The following SLC9A6 variants were observed in gnomAD, a reference collection of about 807,000 sequenced individuals.
SLC9A6 encodes sodium/hydrogen exchanger 6.
Under a neutral mutation model 45.3 loss-of-function variants are expected in SLC9A6, and 6 were observed. The ratio of observed to expected loss-of-function variants is 0.13; its 90% CI spans 0.07 to 0.26. SLC9A6 has a LOEUF of 0.26. SLC9A6 is among the 10% of genes least tolerant of loss of function. The probability of loss-of-function intolerance (pLI) is 1.00; values close to 1 mark genes in which losing one functional copy is unlikely to be tolerated. For missense variants in SLC9A6, 278 were observed against 503.7 expected, an observed-to-expected ratio of 0.55 and a Z score of 4.29; for synonymous variants, 191 against 187.7, an observed-to-expected ratio of 1.02 and a Z score of -0.14.
chrX:135,991,371 C>G (rs1322889143), intron 2 of SLC9A6, among the ~76,000 whole-genome samples: 1 of 109,620 alleles, frequency 9.1e-6, no homozygotes, highest in Non-Finnish European at 1.9e-5. Context: ...AACTTTCCTG[C>G]CTCAGCCTCC....
At position 136,040,140 on chromosome X, in the gene SLC9A6, G is replaced by A; in HGVS notation, c.1726G>A (p.Gly576Arg). The A allele has an allele frequency of 8.3e-7, 1 of 1,210,950 alleles. No homozygotes were observed. The highest frequency in any genetic ancestry group is 1.1e-6 in the Non-Finnish European group (1 of 894,993). ...GACAACAACACTCCCTGCCTGCTGT[G>A]GACCCATCGCCAGGTGCCTCACCAG... ...PLTTTLPACC[G>R]PIARCLTSPQ... Residue 576 changes from glycine to arginine, a missense_variant, in exon 17 of 18, where the codon GGA becomes AGA. By Grantham distance (125) the Gly-to-Arg change is moderately radical. This residue lies in a region of SLC9A6 where 91 missense variants were observed against 125.1 expected (regional missense o/e 0.73). Coordinates refer to ENST00000630721, the MANE Select transcript of SLC9A6 (RefSeq NM_001379110.1).
Position 136,046,117 on chromosome X carries a change from A to G in SLC9A6, c.*1393A>G, listed in dbSNP as rs782657146. ...CCTGTTCATGATTCAGAAGAAAAAC[A>G]AACTTTTTTGGATTTTTTTTCCCTC... is the stretch of plus-strand genomic sequence containing the variant. On this transcript the variant is annotated 3_prime_UTR_variant, in exon 18 of 18. Coordinates refer to ENST00000630721, the MANE Select transcript of SLC9A6 (RefSeq NM_001379110.1). The G allele has an allele frequency of 8.9e-6, 1 of 112,526 alleles. No homozygotes were observed. Among genetic ancestry groups the G allele is most frequent in the Admixed American group, 9.4e-5 (1 of 10,610 alleles). The allele number at this position is 112,526 out of a possible 1,213,427, so 9.3% of individuals were successfully genotyped here.
chrX:136,009,537 G>A (rs782217622), intron 7 of SLC9A6, among the ~76,000 whole-genome samples: 1 of 111,814 alleles, frequency 8.9e-6, no homozygotes, highest in Non-Finnish European at 1.9e-5. Flanking sequence ...TTTCTTTGAC[G>A]TGATTTGTAT....
Position 136,044,723 on chromosome X carries a change from A to G in SLC9A6, c.2039A>G (p.Ter680=), listed in dbSNP as rs142823492. The G allele has an allele frequency of 8.3e-7, 1 of 1,208,003 alleles. No individual in the cohort carries two copies. The highest frequency in any genetic ancestry group is 1.1e-6 in the Non-Finnish European group (1 of 893,387). The change falls in exon 18 of 18, where the codon TAA becomes TGA. Residue 680 remains the stop codon, a stop_retained_variant. Coordinates refer to ENST00000630721, the MANE Select transcript of SLC9A6 (RefSeq NM_001379110.1). ...LLDNTRHGPA[*] is the part of the protein sequence containing the mutation. ...GATAATACGAGACATGGTCCAGCCT[A>G]AGCTTACTAATACTCACTTAGTGAT...
At chrX:136,024,575 G>A in intron 13 of SLC9A6, 92 bp downstream of exon 13, 3 of 886,303 alleles carry the variant, frequency 3.4e-6, no homozygotes, top group South Asian at 4.4e-5. Context: ...TGGAGAATCT[G>A]TAATGTTTTA....
intron 1 of SLC9A6, among the ~76,000 whole-genome samples, chrX:135,975,707 T>C (rs2089257546): frequency 8.9e-6 from 1 of 112,346 alleles, no homozygotes; most frequent in South Asian, 3.7e-4. Context: ...ATCTTTTGAA[T>C]TGGGCTCAAA....
chrX:136,046,750 C>T lies in SLC9A6; in HGVS notation c.*2026C>T, dbSNP rs1328032636. Reference sequence around the variant, plus strand: ...ACATCAGCATCTGGAAGACTTTCCTCTCCTCTAATCTGTGTACACATCTCC... The same window carrying T: ...ACATCAGCATCTGGAAGACTTTCCTTTCCTCTAATCTGTGTACACATCTCC... On this transcript the variant is annotated 3_prime_UTR_variant, in exon 18 of 18. Coordinates refer to ENST00000630721, the MANE Select transcript of SLC9A6 (RefSeq NM_001379110.1). The T allele has an allele frequency of 8.9e-6, 1 of 112,128 alleles. No homozygotes were observed. The highest frequency in any genetic ancestry group is 3.3e-5 in the African/African-American group (1 of 30,719). The allele number at this position is 112,128 out of a possible 1,213,427, so 9.2% of individuals were successfully genotyped here.
intron 3 of SLC9A6, among the ~76,000 whole-genome samples, chrX:135,996,501 C>T (rs1257440099): frequency 9.0e-6 from 1 of 111,680 alleles, no homozygotes; most frequent in Non-Finnish European, 1.9e-5. Flanking sequence ...GTTCATGTCA[C>T]ATTCTACTGC....
chrX:135,996,073 C>G (rs1221758485), intron 3 of SLC9A6, among the ~76,000 whole-genome samples: 1 of 97,706 alleles, frequency 1.0e-5, no homozygotes, highest in African/African-American at 3.8e-5. Context: ...ACTCTGTCAC[C>G]CAGGCTGGAG....
intron 5 of SLC9A6, 122 bp downstream of exon 5, chrX:135,998,680 G>T (rs186555477): frequency 3.1e-6 from 2 of 647,230 alleles, no homozygotes; most frequent in East Asian, 7.0e-5. Flanking sequence ...CAATATTCAC[G>T]TAGGTAATAA....
intron 11 of SLC9A6, among the ~76,000 whole-genome samples, chrX:136,020,346 T>A (rs781966066): frequency 6.3e-5 from 7 of 110,563 alleles, no homozygotes; most frequent in African/African-American, 2.4e-4. Context: ...AGTCATTTTT[T>A]AATTATTATT....
intron 15 of SLC9A6, among the ~76,000 whole-genome samples, chrX:136,031,635 G>A (rs1569525571): frequency 8.9e-6 from 1 of 111,757 alleles, no homozygotes; most frequent in Non-Finnish European, 1.9e-5. Flanking sequence ...CTCCAGCCTG[G>A]GCAACAGAGC....
chrX:135,991,331 C>T (rs2089426138), intron 2 of SLC9A6, among the ~76,000 whole-genome samples: 1 of 108,207 alleles, frequency 9.2e-6, no homozygotes, highest in African/African-American at 3.4e-5. Context: ...GATCTCAACT[C>T]ACTGCAACCT....
Position 136,044,557 on chromosome X carries a change from A to G in SLC9A6, c.1873A>G (p.Ser625Gly), listed in dbSNP as rs558960349. The change falls in exon 18 of 18, where the codon AGC (serine) becomes GGC (glycine). Residue 625 changes from serine (S) to glycine (G), a missense_variant. Physicochemically the swap from Ser to Gly is moderately conservative, Grantham distance 56. Transcript: ENST00000630721. ...STVNTEPATS[S>G]APRRFMGNSS... ...TGTGAACACTGAACCGGCCACATCC[A>G]GCGCCCCAAGGAGATTTATGGGAAA... The G allele has an allele frequency of 3.3e-6, 4 of 1,209,642 alleles. No homozygotes were observed. In the Admixed American group the frequency reaches 8.7e-5, roughly 26 times the overall value.
chrX:135,981,901 A>G (rs1488625926), upstream of SLC9A6, among the ~76,000 whole-genome samples: 1 of 111,681 alleles, frequency 9.0e-6, no homozygotes, highest in Non-Finnish European at 1.9e-5. Context: ...ATATATGTAA[A>G]CTTTGCAATC....
intron 2 of SLC9A6, among the ~76,000 whole-genome samples, chrX:135,993,374 G>A (rs57311208): frequency 0.074 from 8,252 of 111,573 alleles, 320 homozygotes; most frequent in African/African-American, 0.16. Flanking sequence ...GGTGATTGAT[G>A]TTCAACTTTG....
At chrX:136,024,295 G>T in intron 12 of SLC9A6, 35 bp from the exon 13 acceptor site, 1 of 1,203,817 alleles carries the variant, frequency 8.3e-7, no homozygotes, top group South Asian at 1.8e-5. Context: ...TTGGTAATGA[G>T]TTATTGAAGA....
chrX:135,974,059 T>C (rs1157323109), upstream of SLC9A6: 4 of 212,033 alleles, frequency 1.9e-5, no homozygotes, highest in East Asian at 5.1e-4. Context: ...GGGGCCTGCG[T>C]AGAGAACGTG....
chrX:136,012,909 T>C (rs1556618825), intron 8 of SLC9A6, 40 bp from the exon 9 acceptor site: 1 of 995,992 alleles, frequency 1.0e-6, no homozygotes. Context: ...AGTCACACTT[T>C]TGTGTTACAA....
Sources: allele counts gnomAD v4.1 joint callset (sites outside exome capture counted in the v4.1 genomes callset), GRCh38; gene constraint gnomAD v4.1.1; regional missense constraint gnomAD v4.1.1; transcripts MANE v1.5; gene names NCBI Gene and HGNC (gene_info 2026-07-23, HGNC 2026-07-21).